Variants in CASQ2 observed in about 807,000 individuals in gnomAD.
CASQ2 encodes calsequestrin 2.
In CASQ2, 49 loss-of-function variants were observed where a neutral mutation model predicts 46.5. The ratio of observed to expected loss-of-function variants is 1.05; its 90% CI spans 0.84 to 1.34. CASQ2 has a LOEUF of 1.34. Among genes scored for constraint, CASQ2 ranks in the 40% most tolerant of loss-of-function variants. The pLI, the probability that CASQ2 is intolerant of heterozygous loss-of-function variation, is 0.00. For synonymous variants in CASQ2, 174 were observed against 168.5 expected, an observed-to-expected ratio of 1.03 and a Z score of -0.25; for missense variants, 486 against 481.3, an observed-to-expected ratio of 1.01 and a Z score of -0.09.
intron 8 of CASQ2, among the ~76,000 whole-genome samples, chr1:115,712,352 C>G (rs1185792979): frequency 1.3e-5 from 2 of 152,068 alleles, no homozygotes; most frequent in African/African-American, 4.8e-5. Context: ...CGCTAAGATC[C>G]CAGAATTGGT....
chr1:115,730,384 C>T (rs575384260), intron 5 of CASQ2, among the ~76,000 whole-genome samples: 15 of 152,294 alleles, frequency 9.8e-5, no homozygotes, highest in African/African-American at 3.6e-4. Flanking sequence ...TCCATCTTCT[C>T]TTTCCCACAA....
At chr1:115,744,984 C>T in intron 1 of CASQ2, 72 bp from the exon 2 acceptor site, 2 of 1,071,088 alleles carry the variant, frequency 1.9e-6, no homozygotes, top group Non-Finnish European at 2.9e-6. Flanking sequence ...GGATTACTAT[C>T]CTCATGTATC....
At chr1:115,723,669 G>GT (rs1187587799) in intron 7 of CASQ2, among the ~76,000 whole-genome samples, 1 of 151,824 alleles carries the variant, frequency 6.6e-6, no homozygotes, top group East Asian at 1.9e-4. Flanking sequence ...TCCAGAGTAG[G>GT]TGGGACTACA....
At chr1:115,718,540 G>A (rs1647255358) in intron 7 of CASQ2, among the ~76,000 whole-genome samples, 1 of 152,268 alleles carries the variant, frequency 6.6e-6, no homozygotes, top group African/African-American at 2.4e-5. Flanking sequence ...AGTGTGTAGG[G>A]GACACTGCTA....
rs200435029 is a variant in CASQ2 at position 115,739,252 on chromosome 1, C to T, written c.421-917G>A. ...TTAGCCTCCCGAGTAGCTGGGACTA[C>T]GCCCACCACCATGCCCAGCTAAGTT... On this transcript the variant is annotated intron_variant, in intron 3 of 10. Coordinates refer to ENST00000261448, the MANE Select transcript of CASQ2 (RefSeq NM_001232.4). Among the ~76,000 whole-genome samples the T allele has an allele frequency of 9.3e-4, 140 of 151,156 alleles. 1 individual carries two copies. The highest frequency in any genetic ancestry group is 2.7e-3 in the East Asian group (14 of 5,130).
intron 3 of CASQ2, among the ~76,000 whole-genome samples, chr1:115,738,856 C>T (rs7540759): frequency 0.71 from 107,306 of 150,932 alleles, 41,746 homozygotes; most frequent in Non-Finnish European, 0.87. Flanking sequence ...GCTTTGCACC[C>T]TTTGATCATT....
chr1:115,703,607 T>C (rs533002077), intron 9 of CASQ2, among the ~76,000 whole-genome samples: 3 of 152,230 alleles, frequency 2.0e-5, no homozygotes, highest in East Asian at 3.9e-4. Context: ...ATTTCTTCTT[T>C]GCAAAAACCA....
At chr1:115,766,329 C>T (rs568502165) in intron 1 of CASQ2, among the ~76,000 whole-genome samples, 74 of 152,314 alleles carry the variant, frequency 4.9e-4, no homozygotes, top group African/African-American at 1.7e-3. Flanking sequence ...CCTTGGACAA[C>T]TTAGCCTCTC....
chr1:115,707,648 G>T (rs1344049565), intron 8 of CASQ2, among the ~76,000 whole-genome samples: 1 of 152,170 alleles, frequency 6.6e-6, no homozygotes, highest in East Asian at 1.9e-4. Context: ...GTGCCACCTT[G>T]GTTATCTGTA....
intron 9 of CASQ2, 50 bp downstream of exon 9, chr1:115,705,142 A>G (rs1203849195): frequency 4.4e-6 from 5 of 1,139,924 alleles, no homozygotes; most frequent in Non-Finnish European, 6.7e-6. Flanking sequence ...GAACGCAATC[A>G]TGAGGTTGTG....
intron 6 of CASQ2, 40 bp downstream of exon 6, chr1:115,726,952 A>G: frequency 3.3e-6 from 2 of 609,420 alleles, no homozygotes; most frequent in South Asian, 3.0e-5. Flanking sequence ...TCCATTCCCC[A>G]GACCCCAGGC....
In CASQ2 at chr1:115,747,255, T is replaced by C. The variant is rs144721379; in HGVS notation, c.235-2343A>G. Among the ~76,000 whole-genome samples the C allele has an allele frequency of 5.9e-5, 9 of 152,346 alleles. No homozygotes were observed. The East Asian group carries it at 1.7e-3, about 29-fold the overall frequency. On this transcript the variant is annotated intron_variant, in intron 1 of 10. Coordinates refer to ENST00000261448, the MANE Select transcript of CASQ2 (RefSeq NM_001232.4). ...TGTCTTTCATCCATTCAATTGCTTT[T>C]GTAACTTTGTCAAAAATCAGTTGGC... is the stretch of plus-strand genomic sequence containing the variant.
At chr1:115,740,371 C>G (rs1648134714) in intron 3 of CASQ2, among the ~76,000 whole-genome samples, 3 of 152,120 alleles carry the variant, frequency 2.0e-5, no homozygotes, top group South Asian at 4.1e-4. Flanking sequence ...TACTCCCATC[C>G]CTCCTCTCTC....
rs565864657 is a variant in CASQ2, at chr1:115,762,029, C to G, written c.234+6279G>C. Among the ~76,000 whole-genome samples, 6 of 152,230 alleles carry G rather than the reference C, an allele frequency of 3.9e-5. No individual in the cohort carries two copies. The South Asian group carries it at 1.2e-3, about 32-fold the overall frequency. ...CCTCTATTGGTGAGCTAAAATGAGA[C>G]CTTCTTAAGCAGGAAAAGCAGAAGA... On this transcript the variant is annotated intron_variant, in intron 1 of 10. Coordinates refer to ENST00000261448, the MANE Select transcript of CASQ2 (RefSeq NM_001232.4).
chr1:115,739,356 CAG>C (rs1206690806), intron 3 of CASQ2, among the ~76,000 whole-genome samples: 84 of 151,918 alleles, frequency 5.5e-4, no homozygotes, highest in Non-Finnish European at 1.6e-4. Context: ...ACCTTGTGAT[CAG>C]CCCACCTTGG....
At chr1:115,743,712 T>TA in intron 2 of CASQ2, among the ~76,000 whole-genome samples, 1 of 151,302 alleles carries the variant, frequency 6.6e-6, no homozygotes, top group East Asian at 1.9e-4. Flanking sequence ...TTTCTGTACT[T>TA]ACTACTCCAA....
At chr1:115,734,837 C>T (rs1647902742) in intron 4 of CASQ2, among the ~76,000 whole-genome samples, 1 of 152,118 alleles carries the variant, frequency 6.6e-6, no homozygotes, top group Admixed American at 6.5e-5. Flanking sequence ...AGTTAGAAAC[C>T]CTGACCAGAA....
intron 8 of CASQ2, among the ~76,000 whole-genome samples, chr1:115,707,967 C>G (rs113968987): frequency 0.013 from 1,912 of 152,212 alleles, 38 homozygotes; most frequent in African/African-American, 0.044. Context: ...ATCTGTGACC[C>G]AGAACTATAA....
intron 5 of CASQ2, among the ~76,000 whole-genome samples, chr1:115,728,190 G>A (rs1233554571): frequency 6.6e-6 from 1 of 152,154 alleles, no homozygotes; most frequent in African/African-American, 2.4e-5. Flanking sequence ...GAGGAGCTGG[G>A]TATTGCATAA....
Sources: gnomAD v4.1 joint callset for allele counts (sites outside exome capture counted in the v4.1 genomes callset) on GRCh38, gnomAD v4.1.1 for gene constraint, MANE v1.5 for transcripts, NCBI Gene and HGNC (gene_info 2026-07-23, HGNC 2026-07-21) for gene names.